PCM1: variants seen among roughly 807,000 people sequenced by gnomAD.
The protein encoded by PCM1 is pericentriolar material 1 protein.
A neutral mutation model predicts 241.9 loss-of-function variants in PCM1; 157 were observed. The observed-to-expected ratio is 0.65, with a 90% confidence interval of 0.57 to 0.74. The LOEUF is 0.74. Among genes scored for constraint, PCM1 ranks in the 30% least tolerant of loss-of-function variants. PCM1 has a pLI of 0.00. For synonymous variants in PCM1, 1,085 were observed against 784.9 expected (o/e 1.38, Z -6.39); for missense variants, 3,478 against 2,360.1 (o/e 1.47, Z -9.81).
chr8:17,991,595 C>A lies in PCM1; in HGVS notation c.4585C>A (p.Arg1529Ser), dbSNP rs777036141. ...QALARMREYE[R>S]MKTEAESNSN... ...ATTAGCCAGAATGAGAGAATATGAGCGTATGAAGACTGAGGCTGAAAGTAA... is the reference window on the plus strand; with the variant it reads ...ATTAGCCAGAATGAGAGAATATGAGAGTATGAAGACTGAGGCTGAAAGTAA... Residue 1529 changes from arginine to serine, a missense_variant, in exon 28 of 39, where the codon CGT becomes AGT. Arg to Ser is a moderately radical substitution (Grantham distance 110). Coordinates refer to ENST00000325083, the MANE Select transcript of PCM1 (RefSeq NM_006197.4). 1 of 1,596,896 alleles carries A rather than the reference C, an allele frequency of 6.3e-7. No homozygotes were observed. The highest frequency in any genetic ancestry group is 8.5e-7 in the Non-Finnish European group (1 of 1,170,754).
rs140165521 is a variant in PCM1 at position 18,001,340 on chromosome 8, C to G, written c.4828-4923C>G. Among the ~76,000 whole-genome samples the G allele has an allele frequency of 2.0e-5, 3 of 152,192 alleles. No individual in the cohort carries two copies. The South Asian group carries it at 6.2e-4, about 32-fold the overall frequency. On this transcript the variant is annotated intron_variant, in intron 29 of 38. Transcript: ENST00000325083. ...AGGTAATCTGTTTACTTTTGTTTCT[C>G]TAGAAACAATTTTTAGACATAAAAT... is the stretch of plus-strand genomic sequence containing the variant.
At chr8:17,949,262 TTAATC>T (rs1337601315) in intron 7 of PCM1, among the ~76,000 whole-genome samples, 30 of 152,126 alleles carry the variant, frequency 2.0e-4, no homozygotes, top group African/African-American at 5.1e-4. Flanking sequence ...ATTACAGTAT[TTAATC>T]TAGTATATGA....
intron 28 of PCM1, 148 bp from the exon 29 acceptor site, chr8:17,993,335 A>G (rs770128580): frequency 3.6e-5 from 16 of 448,954 alleles, no homozygotes; most frequent in Admixed American, 1.3e-4. Context: ...ATTTTAATTG[A>G]TAGGGGTGCT....
rs368722248 is a variant in PCM1, at chr8:17,967,084, G to C, written c.3326G>C (p.Ser1109Thr). 36 of 1,608,392 alleles carry C rather than the reference G, an allele frequency of 2.2e-5. No individual in the cohort carries two copies. The highest frequency in any genetic ancestry group is 2.9e-5 in the Non-Finnish European group (34 of 1,177,204). ...AGTGCATCGCACCCTCCTTCTCCCA[G>C]TTTATTTTGTCCTTTCAGCTTTCCA... ...GSSASHPPSPSLFCPFSFPTQ... is the reference protein window; with the variant it reads ...GSSASHPPSPTLFCPFSFPTQ... The change falls in exon 21 of 39, where the codon AGT becomes ACT. Residue 1109 changes from serine to threonine, a missense_variant. Coordinates refer to ENST00000325083, the MANE Select transcript of PCM1 (RefSeq NM_006197.4).
At chr8:18,010,725 G>T in intron 32 of PCM1, 57 bp downstream of exon 32, 2 of 1,283,572 alleles carry the variant, frequency 1.6e-6, no homozygotes, top group Non-Finnish European at 2.2e-6. Flanking sequence ...GCTCACCCCC[G>T]TAATCGCAGC....
chr8:17,953,398 A>G (rs1026431977), intron 9 of PCM1, among the ~76,000 whole-genome samples: 2 of 152,240 alleles, frequency 1.3e-5, no homozygotes, highest in African/African-American at 4.8e-5. Context: ...AGAAAAGGGA[A>G]AGAATAAAGT....
chr8:17,978,963 A>G (rs2079722884), intron 23 of PCM1, among the ~76,000 whole-genome samples: 3 of 152,086 alleles, frequency 2.0e-5, no homozygotes, highest in Non-Finnish European at 4.4e-5. Flanking sequence ...TCTCATGAGA[A>G]TTTGAAGTAA....
chr8:18,013,939 C>G (rs538522070), intron 34 of PCM1, 25 bp from the exon 35 acceptor site: 1 of 1,453,710 alleles, frequency 6.9e-7, no homozygotes, highest in African/African-American at 1.4e-5. Flanking sequence ...TCAGGCCCTG[C>G]TATTAAAACA....
intron 26 of PCM1, among the ~76,000 whole-genome samples, chr8:17,987,500 G>T (rs769502084): frequency 3.3e-5 from 5 of 151,844 alleles, no homozygotes; most frequent in African/African-American, 4.8e-5. Context: ...TACAGTTTAG[G>T]ATAAAGTTAA....
At chr8:17,964,808 G>C in intron 18 of PCM1, 40 bp downstream of exon 18, 1 of 1,496,270 alleles carries the variant, frequency 6.7e-7, no homozygotes, top group East Asian at 2.3e-5. Context: ...AATTTAAGAG[G>C]CTCAGGTCTT....
rs1158550221 is a variant in PCM1, at chr8:17,980,671, G to A, written c.4024G>A (p.Val1342Ile). 2 of 1,613,440 alleles carry A rather than the reference G, an allele frequency of 1.2e-6. No individual in the cohort carries two copies. The highest frequency in any genetic ancestry group is 3.3e-5 in the Admixed American group (2 of 60,022). The change falls in exon 24 of 39, where the codon GTT becomes ATT. Residue 1342 changes from valine to isoleucine, a missense_variant. Val to Ile is a conservative substitution (Grantham distance 29, BLOSUM62 3). Coordinates refer to ENST00000325083, the MANE Select transcript of PCM1 (RefSeq NM_006197.4). ...ACATTCAGCCCAGACTGAAGAGCCT[G>A]TTCAAGCAAAAGTATTCAGCAGAAA... Reference protein sequence around the residue: ...NRHSAQTEEPVQAKVFSRKNH... With the variant: ...NRHSAQTEEPIQAKVFSRKNH...
intron 2 of PCM1, among the ~76,000 whole-genome samples, chr8:17,934,143 A>G (rs1028952240): frequency 6.6e-6 from 1 of 152,174 alleles, no homozygotes; most frequent in African/African-American, 2.4e-5. Flanking sequence ...CTGTGGGACA[A>G]ATTCTACTTT....
chr8:18,029,176 A>AG lies in PCM1; in HGVS notation c.*1514_*1515insG, dbSNP rs1293103289. ...TGTCTCAAAAAAAAAAAAAAAAAAA[A>AG]AAAAAAGTTAACTTGCTGTATACCT... On this transcript the variant is annotated 3_prime_UTR_variant, in exon 39 of 39. Coordinates refer to ENST00000325083, the MANE Select transcript of PCM1 (RefSeq NM_006197.4). 1 of 187,528 alleles carries AG rather than the reference A, an allele frequency of 5.3e-6. No individual in the cohort carries two copies. The highest frequency in any genetic ancestry group is 1.1e-5 in the Non-Finnish European group (1 of 88,782). The allele number at this position is 187,528 out of a possible 1,614,324, so 11.6% of individuals were successfully genotyped here.
At chr8:17,992,230 A>G (rs1294616321) in intron 28 of PCM1, among the ~76,000 whole-genome samples, 1 of 152,042 alleles carries the variant, frequency 6.6e-6, no homozygotes, top group Non-Finnish European at 1.5e-5. Flanking sequence ...TTTTTCATAT[A>G]ATGACTTCTT....
chr8:17,998,733 G>A (rs1273586293), intron 29 of PCM1, among the ~76,000 whole-genome samples: 2 of 152,168 alleles, frequency 1.3e-5, no homozygotes, highest in Non-Finnish European at 2.9e-5. Context: ...AGCAGGTGGG[G>A]AAGCCAGCCA....
chr8:17,969,568 A>G lies in PCM1; in HGVS notation c.3413-9A>G, dbSNP rs774482280. ...TATTTTTCTCTTACCCATTGCTTTT[A>G]CTGATTAGGTATGAATTTCAGCCCT... On this transcript the variant is annotated splice_polypyrimidine_tract_variant and intron_variant, in intron 21 of 38. Coordinates refer to ENST00000325083, the MANE Select transcript of PCM1 (RefSeq NM_006197.4). 1.3e-6 allele frequency: 2 copies of G among 1,562,792 alleles called. No individual in the cohort carries two copies. Among genetic ancestry groups the G allele is most frequent in the African/African-American group, 1.4e-5 (1 of 72,448 alleles).
In PCM1 at chr8:17,980,704, G is replaced by C. The variant is rs148806955; in HGVS notation, c.4057G>C (p.Glu1353Gln). Residue 1353 changes from glutamate to glutamine, a missense_variant, in exon 24 of 39, where the codon GAG becomes CAG. Physicochemically the swap from Glu to Gln is conservative, Grantham distance 29 (BLOSUM62 2). Transcript: ENST00000325083. ...QAKVFSRKNH[E>Q]QLEKIIKCNR... ...AAAAGTATTCAGCAGAAAGAATCAT[G>C]AGCAACTGGAAAAAATAATAAAATG... 1.2e-6 allele frequency: 2 copies of C among 1,612,572 alleles called. No individual in the cohort carries two copies. Among genetic ancestry groups the C allele is most frequent in the Admixed American group, 1.7e-5 (1 of 59,978 alleles).
intron 24 of PCM1, among the ~76,000 whole-genome samples, chr8:17,981,439 T>G (rs773202159): frequency 6.6e-6 from 1 of 152,300 alleles, no homozygotes; most frequent in East Asian, 1.9e-4. Context: ...CACATTATTA[T>G]AGTATTTCCC....
chr8:18,010,848 C>CTATA (rs2092391853), intron 32 of PCM1, among the ~76,000 whole-genome samples, 180 bp downstream of exon 32: 1 of 152,198 alleles, frequency 6.6e-6, no homozygotes, highest in East Asian at 1.9e-4. Context: ...AGGCGTGTGC[C>CTATA]TATAGTCCCA....
Sources: allele counts gnomAD v4.1 joint callset (sites outside exome capture counted in the v4.1 genomes callset), GRCh38; gene constraint gnomAD v4.1.1; transcripts MANE v1.5; gene names NCBI Gene and HGNC (gene_info 2026-07-23, HGNC 2026-07-21).